Variants in PDZD7 observed in about 807,000 individuals in gnomAD.
The protein encoded by PDZD7 is PDZ domain containing 7.
In PDZD7, 72 loss-of-function variants were observed where a neutral mutation model predicts 84.7. The observed-to-expected ratio is 0.85, with a 90% confidence interval of 0.70 to 1.03. The LOEUF (loss-of-function observed/expected upper bound fraction) is 1.03. Among genes scored for constraint, PDZD7 ranks in the 50% least tolerant of loss-of-function variants. The pLI, the probability that PDZD7 is intolerant of heterozygous loss-of-function variation, is 0.00. For synonymous variants in PDZD7, 594 were observed against 580.7 expected, an observed-to-expected ratio of 1.02 and a Z score of -0.33; for missense variants, 1,490 against 1,412.9, an observed-to-expected ratio of 1.05 and a Z score of -0.87.
Position 101,010,702 on chromosome 10 carries a change from T to C in PDZD7, c.2187A>G (p.Arg729=). The change falls in exon 15 of 17, where the codon CGA becomes CGG. Residue 729 remains arginine (R), a synonymous_variant. Coordinates refer to ENST00000619208, the MANE Select transcript of PDZD7 (RefSeq NM_001195263.2). ...DVPVDAFTPL[R]IACTPPPQLP... is the part of the protein sequence containing the mutation. ...GCTGGGGAGGGGGTGTGCAGGCAAT[T>C]CGGAGGGGGGTGAAGGCATCTACTG... 1 of 1,092,252 alleles carries C rather than the reference T, an allele frequency of 9.2e-7. No individual in the cohort carries two copies. Among genetic ancestry groups the C allele is most frequent in the Non-Finnish European group, 1.2e-6 (1 of 828,162 alleles). 67.7% of individuals were successfully genotyped at this position (1,092,252 alleles called of 1,614,324 possible). A position where few individuals can be genotyped will look rare whatever the true frequency, so the allele number is the denominator to read the frequency against.
At chr10:101,011,187 G>C in intron 14 of PDZD7, 1 of 682,870 alleles carries the variant, frequency 1.5e-6, no homozygotes. Flanking sequence ...GATTACAGGC[G>C]TGCACCAAAA....
chr10:101,022,349 C>T lies in PDZD7; in HGVS notation c.579G>A (p.Lys193=). ...DVVNRRLVVE[K]CGSTPSDTSS... ...TGGTGTCGGAGGGTGTTGAACCGCA[C>T]TTCTCCACTACCAGGCGCCGATTCA... is the stretch of plus-strand genomic sequence containing the variant. Residue 193 remains lysine (K), a synonymous_variant, in exon 5 of 17, where the codon AAG becomes AAA. Transcript: ENST00000619208. 6.2e-7 allele frequency: 1 copy of T among 1,614,192 alleles called. No homozygotes were observed.
chr10:101,011,546 T>A (rs193234539), intron 14 of PDZD7, 144 bp downstream of exon 14: 3 of 1,445,774 alleles, frequency 2.1e-6, no homozygotes, highest in African/African-American at 2.8e-5. Flanking sequence ...ATGGCTCTGG[T>A]GGACAAGAGC....
At chr10:101,012,327 G>A in intron 11 of PDZD7, 69 bp from the exon 12 acceptor site, 1 of 1,293,062 alleles carries the variant, frequency 7.7e-7, no homozygotes, top group East Asian at 2.5e-5. Flanking sequence ...GGGACACCAG[G>A]GCATGCAGGT....
Position 101,022,305 on chromosome 10 carries a change from C to T in PDZD7, c.623G>A (p.Arg208Gln), listed in dbSNP as rs201804536. ...GGTTGTGTATAGGTGGACGATGCGC[C>T]GGACACCATCTTCTGAGCTGGTGTC... ...PSDTSSEDGVRRIVHLYTTSD... is the reference protein window; with the variant it reads ...PSDTSSEDGVQRIVHLYTTSD... Residue 208 changes from arginine to glutamine, a missense_variant, in exon 5 of 17, where the codon CGG (arginine) becomes CAG (glutamine). Arg to Gln is a conservative substitution (Grantham distance 43). Transcript: ENST00000619208. The T allele has an allele frequency of 1.7e-5, 27 of 1,614,096 alleles. No homozygotes were observed. Among genetic ancestry groups the T allele is most frequent in the East Asian group, 6.7e-5 (3 of 44,894 alleles).
At chr10:101,011,373 C>T (rs1263193800) in intron 14 of PDZD7, 10 of 547,258 alleles carry the variant, frequency 1.8e-5, no homozygotes, top group Non-Finnish European at 2.7e-5. Flanking sequence ...CTGCTGGAAT[C>T]GTTACCGTTC....
chr10:101,017,914 AAAGAAAGAAAG>A lies in PDZD7; in HGVS notation c.1522+174_1522+184del, dbSNP rs1269220977. ...AAGAAAAGAAAGAAAGAAAGAAAGA[AAAGAAAGAAAG>A]AAAAAGAAATAGGTATTATTACCCC... On this transcript the variant is annotated intron_variant, in intron 9 of 16. Transcript: ENST00000619208. 1.1e-4 allele frequency: 45 copies of A among 427,524 alleles called. No individual in the cohort carries two copies. The African/African-American group carries it at 1.4e-3, about 14-fold the overall frequency. The allele number at this position is 427,524 out of a possible 1,614,324, so 26.5% of individuals were successfully genotyped here.
intron 2 of PDZD7, among the ~76,000 whole-genome samples, chr10:101,029,427 G>C (rs996564132): frequency 6.6e-6 from 1 of 152,130 alleles, no homozygotes; most frequent in South Asian, 2.1e-4. Context: ...ATAAGCTTAG[G>C]TCTCCCCTTC....
intron 6 of PDZD7, 34 bp downstream of exon 6, chr10:101,021,764 C>T: frequency 6.2e-7 from 1 of 1,614,174 alleles, no homozygotes; most frequent in Non-Finnish European, 8.5e-7. Flanking sequence ...CCTACTCTAG[C>T]CTCACCTCTC....
At chr10:101,024,770 C>CA (rs555432860) in intron 2 of PDZD7, among the ~76,000 whole-genome samples, 2,624 of 62,322 alleles carry the variant, frequency 0.042, 44 homozygotes, top group South Asian at 0.13. Flanking sequence ...ACCCCTGTCT[C>CA]AAAAAAAAAA....
rs775339895 is a variant in PDZD7, at chr10:101,008,520, G to A, written c.3049C>T (p.Pro1017Ser). Residue 1017 changes from proline (P) to serine (S), a missense_variant, in exon 17 of 17, where the codon CCA becomes TCA. Transcript: ENST00000619208. Reference sequence around the variant, plus strand: ...TTAGAATCAGGAGTCTGGAGGGCTGGGGAGGGGGCTGGGCTGGGAGTTGGC... The same window carrying A: ...TTAGAATCAGGAGTCTGGAGGGCTGAGGAGGGGGCTGGGCTGGGAGTTGGC... ...LQPTPSPAPS[P>S]ALQTPDSKPA... 4 of 1,534,254 alleles carry A rather than the reference G, an allele frequency of 2.6e-6. No homozygotes were observed. The highest frequency in any genetic ancestry group is 2.4e-5 in the South Asian group (2 of 83,912).
chr10:101,017,539 T>G, intron 9 of PDZD7: 1 of 698,544 alleles, frequency 1.4e-6, no homozygotes, highest in Non-Finnish European at 2.6e-6. Context: ...CCTAGCACTT[T>G]GGGAGACTAA....
intron 11 of PDZD7, among the ~76,000 whole-genome samples, chr10:101,013,282 G>A (rs747340333): frequency 2.0e-5 from 3 of 152,118 alleles, no homozygotes; most frequent in South Asian, 2.1e-4. Context: ...ACTTGGATTC[G>A]GTACCTACTA....
intron 7 of PDZD7, 80 bp from the exon 8 acceptor site, chr10:101,019,297 G>A: frequency 6.6e-7 from 1 of 1,509,304 alleles, no homozygotes; most frequent in Non-Finnish European, 8.8e-7. Flanking sequence ...TTGGGCTTAG[G>A]GGTGGAGGAG....
In PDZD7 at chr10:101,008,873, C is replaced by T. The variant is rs1002353077; in HGVS notation, c.2719-23G>A. ...AGCCTAGGGTGGGGTGAGAGAGTCA[C>T]ATCCCTCCCTCCTCATGTCACCCTG... is the stretch of plus-strand genomic sequence containing the variant. On this transcript the variant is annotated intron_variant, in intron 16 of 16. Coordinates refer to ENST00000619208, the MANE Select transcript of PDZD7 (RefSeq NM_001195263.2). The T allele has an allele frequency of 8.8e-6, 13 of 1,469,870 alleles. No homozygotes were observed. In the East Asian group the frequency reaches 2.5e-4, roughly 28 times the overall value. The allele number at this position is 1,469,870 out of a possible 1,614,324, so 91.1% of individuals were successfully genotyped here.
chr10:101,013,759 AGCCAAAGACAATGGGTCACCTCT>A (rs1467545377), intron 11 of PDZD7, among the ~76,000 whole-genome samples: 13 of 151,846 alleles, frequency 8.6e-5, no homozygotes, highest in African/African-American at 2.2e-4. Context: ...CGAATGTGAG[AGCCAAAGACAATGGGTCACCTCT>A]GCCAAAGACA....
Position 101,022,304 on chromosome 10 carries a change from C to T in PDZD7, c.624G>A (p.Arg208=). 6.2e-7 allele frequency: 1 copy of T among 1,614,224 alleles called. No individual in the cohort carries two copies. Among genetic ancestry groups the T allele is most frequent in the Admixed American group, 1.7e-5 (1 of 60,022 alleles). ...PSDTSSEDGV[R]RIVHLYTTSD... ...AGGTTGTGTATAGGTGGACGATGCGCCGGACACCATCTTCTGAGCTGGTGT... is the reference window on the plus strand; with the variant it reads ...AGGTTGTGTATAGGTGGACGATGCGTCGGACACCATCTTCTGAGCTGGTGT... Residue 208 remains arginine, a synonymous_variant, in exon 5 of 17, where the codon CGG becomes CGA. Coordinates refer to ENST00000619208, the MANE Select transcript of PDZD7 (RefSeq NM_001195263.2).
intron 15 of PDZD7, among the ~76,000 whole-genome samples, chr10:101,009,696 C>G (rs1198818845): frequency 6.7e-6 from 1 of 149,484 alleles, no homozygotes; most frequent in Non-Finnish European, 1.5e-5. Flanking sequence ...CAACCTCCGC[C>G]TCCCGGGTTC....
Position 101,010,497 on chromosome 10 carries a change from A to G in PDZD7, c.2392T>C (p.Ser798Pro), listed in dbSNP as rs1450346464. The change falls in exon 15 of 17, where the codon TCC becomes CCC. Residue 798 changes from serine to proline, a missense_variant. Physicochemically the swap from Ser to Pro is moderately conservative, Grantham distance 74. Transcript: ENST00000619208. ...QGKSPGRRSP[S>P]PVPTPAPSMT... ...CTGGGGGCAGGGGTAGGCACCGGGG[A>G]TGGGGAGCGTCTACCTGGAGACTTG... is the stretch of plus-strand genomic sequence containing the variant. 1.3e-6 allele frequency: 2 copies of G among 1,533,790 alleles called. No homozygotes were observed.
Sources: gnomAD v4.1 joint callset for allele counts (sites outside exome capture counted in the v4.1 genomes callset) on GRCh38, gnomAD v4.1.1 for gene constraint, MANE v1.5 for transcripts, NCBI Gene and HGNC (gene_info 2026-07-23, HGNC 2026-07-21) for gene names.